Variants in MCM8 observed in about 807,000 individuals in gnomAD.
MCM8 encodes the protein minichromosome maintenance 8 homologous recombination repair factor.
A neutral mutation model predicts 98.9 loss-of-function variants in MCM8; 85 were observed. That is an observed-to-expected ratio of 0.86 (90% confidence interval 0.72 to 1.03). MCM8 has a LOEUF of 1.03. Ranked by LOEUF, MCM8 falls within the 50% of genes least tolerant of loss-of-function variation. MCM8 has a pLI of 0.00. For missense variants in MCM8, 951 were observed against 997.8 expected (o/e 0.95, Z 0.63); for synonymous variants, 352 against 338.6 (o/e 1.04, Z -0.44).
chr20:5,978,351 CTTTGT>C (rs2089557905), intron 13 of MCM8, among the ~76,000 whole-genome samples: 1 of 152,116 alleles, frequency 6.6e-6, no homozygotes, highest in African/African-American at 2.4e-5. Context: ...TGTTTTGAAG[CTTTGT>C]AGTAAGCTCC....
At chr20:5,961,485 A>G (rs1194421341) in intron 7 of MCM8, among the ~76,000 whole-genome samples, 3 of 152,238 alleles carry the variant, frequency 2.0e-5, no homozygotes, top group African/African-American at 7.2e-5. Context: ...TCTTTCTCTG[A>G]CTGGAAGAAG....
chr20:5,952,353 A>G (rs761501284), intron 2 of MCM8, 71 bp from the exon 3 acceptor site: 26 of 1,577,974 alleles, frequency 1.6e-5, no homozygotes, highest in Non-Finnish European at 2.1e-5. Flanking sequence ...TGAGAGTCTC[A>G]TTTGGAAAGA....
rs1209023424 is a variant in MCM8, at chr20:5,952,500, T to C, written c.225T>C (p.Tyr75=). ...CAACATTGGATCGATTCATACCATATAAAGGCTGGAAGCTTTATTTCTCTG... is the reference window on the plus strand; with the variant it reads ...CAACATTGGATCGATTCATACCATACAAAGGCTGGAAGCTTTATTTCTCTG... ...MQSTLDRFIP[Y]KGWKLYFSEV... Residue 75 remains tyrosine (Y), a synonymous_variant, in exon 3 of 19, where the codon TAT becomes TAC. Transcript: ENST00000610722. The C allele has an allele frequency of 3.1e-6, 5 of 1,613,888 alleles. No individual in the cohort carries two copies. The highest frequency in any genetic ancestry group is 1.3e-5 in the African/African-American group (1 of 74,930).
At position 5,951,900 on chromosome 20, in the gene MCM8, G is replaced by T. The variant is rs16991581; in HGVS notation, c.-5-111G>T. 7,896 of 1,226,278 alleles carry T rather than the reference G, an allele frequency of 6.4e-3. 225 individuals are homozygous for T. The African/African-American group carries it at 0.078, about 12-fold the overall frequency. The allele number at this position is 1,226,278 out of a possible 1,614,324, so 76.0% of individuals were successfully genotyped here. A position where few individuals can be genotyped will look rare whatever the true frequency, so the allele number is the denominator to read the frequency against. ...GCTGTACAACTTTGCAAGCCTGTTTGCTACTCTTGAACCTAGAATACATTA... is the reference window on the plus strand; with the variant it reads ...GCTGTACAACTTTGCAAGCCTGTTTTCTACTCTTGAACCTAGAATACATTA... On this transcript the variant is annotated intron_variant, in intron 1 of 18. Coordinates refer to ENST00000610722, the MANE Select transcript of MCM8 (RefSeq NM_032485.6).
At chr20:5,962,352 C>CT (rs926577182) in intron 7 of MCM8, among the ~76,000 whole-genome samples, 4,781 of 40,298 alleles carry the variant, frequency 0.12, 1,356 homozygotes, top group East Asian at 0.17. Flanking sequence ...GCCTTCATTT[C>CT]TTTTTTTTTT....
At chr20:5,992,031 A>T (rs971699305) in intron 17 of MCM8, among the ~76,000 whole-genome samples, 1 of 152,196 alleles carries the variant, frequency 6.6e-6, no homozygotes, top group Non-Finnish European at 1.5e-5. Context: ...AAAAAACTAA[A>T]TGCTTATATT....
rs192085182 is a variant in MCM8 at position 5,994,930 on chromosome 20, G to A, written c.*539G>A. On this transcript the variant is annotated 3_prime_UTR_variant, in exon 19 of 19. Coordinates refer to ENST00000610722, the MANE Select transcript of MCM8 (RefSeq NM_032485.6). ...TTGACTCAAAAAAATAAAAAAAATT[G>A]TAGTGGTAGCCATGTGTTAATTGTT... 13 of 177,098 alleles carry A rather than the reference G, an allele frequency of 7.3e-5. No homozygotes were observed. The highest frequency in any genetic ancestry group is 6.9e-4 in the Admixed American group (12 of 17,276). The allele number at this position is 177,098 out of a possible 1,614,324, so 11.0% of individuals were successfully genotyped here.
In MCM8 at chr20:5,977,896, A is replaced by G; in HGVS notation, c.1416A>G (p.Pro472=). 6.2e-7 allele frequency: 1 copy of G among 1,614,172 alleles called. No homozygotes were observed. Among genetic ancestry groups the G allele is most frequent in the Non-Finnish European group, 8.5e-7 (1 of 1,180,022 alleles). ...QMLQAACNVA[P]RGVYVCGNTT... ...CTTAGGCAGCGTGCAATGTTGCCCCACGTGGCGTGTATGTTTGTGGTAACA... is the reference window on the plus strand; with the variant it reads ...CTTAGGCAGCGTGCAATGTTGCCCCGCGTGGCGTGTATGTTTGTGGTAACA... Residue 472 remains proline, a synonymous_variant, in exon 13 of 19, where the codon CCA becomes CCG. Coordinates refer to ENST00000610722, the MANE Select transcript of MCM8 (RefSeq NM_032485.6).
chr20:5,956,724 GGAGT>G lies in MCM8; in HGVS notation c.487-397_487-394del, dbSNP rs1307807679. On this transcript the variant is annotated intron_variant, in intron 5 of 18. Coordinates refer to ENST00000610722, the MANE Select transcript of MCM8 (RefSeq NM_032485.6). ...ATATTATTTAATGTTAAATGCCAAG[GGAGT>G]GAGTATTAGGTATTTTAAAGGTCAT... 3.9e-5 allele frequency among the ~76,000 whole-genome samples: 6 copies of G among 152,236 alleles called. No homozygotes were observed. The East Asian group carries it at 9.7e-4, about 24-fold the overall frequency.
At chr20:5,960,946 T>C (rs577427495) in intron 7 of MCM8, among the ~76,000 whole-genome samples, 9 of 149,300 alleles carry the variant, frequency 6.0e-5, no homozygotes, top group African/African-American at 2.2e-4. Flanking sequence ...AAAAAATACA[T>C]AAATAAATAA....
chr20:5,979,432 ACTT>A (rs1276944589), intron 13 of MCM8, among the ~76,000 whole-genome samples: 1 of 152,152 alleles, frequency 6.6e-6, no homozygotes, highest in Non-Finnish European at 1.5e-5. Context: ...TCAGGCACAT[ACTT>A]CTTATTGTCT....
At chr20:5,986,496 T>G (rs2122813584) in intron 16 of MCM8, among the ~76,000 whole-genome samples, 1 of 152,340 alleles carries the variant, frequency 6.6e-6, no homozygotes, top group Admixed American at 6.5e-5. Flanking sequence ...TTTTATTTTT[T>G]TACATGACAG....
At position 5,998,252 on chromosome 20, in the gene MCM8, A is replaced by G. The variant is rs2089982999; in HGVS notation, c.*3861A>G. The G allele has an allele frequency of 6.6e-6, 1 of 152,170 alleles. No individual in the cohort carries two copies. Among genetic ancestry groups the G allele is most frequent in the African/African-American group, 2.4e-5 (1 of 41,444 alleles). The allele number at this position is 152,170 out of a possible 1,614,324, so 9.4% of individuals were successfully genotyped here. A position where few individuals can be genotyped will look rare whatever the true frequency, so the allele number is the denominator to read the frequency against. On this transcript the variant is annotated 3_prime_UTR_variant, in exon 19 of 19. Transcript: ENST00000610722. ...TTCTGCTCTCCTAGTGTGCCTTCCTATAATGCAGGGGCTGGAAGGTGAGAA... is the reference window on the plus strand; with the variant it reads ...TTCTGCTCTCCTAGTGTGCCTTCCTGTAATGCAGGGGCTGGAAGGTGAGAA...
At chr20:5,977,470 G>A (rs2089535603) in intron 12 of MCM8, among the ~76,000 whole-genome samples, 1 of 152,242 alleles carries the variant, frequency 6.6e-6, no homozygotes, top group Admixed American at 6.5e-5. Context: ...AGGTGAGCAT[G>A]TATTAAGTCA....
rs2089925086 is a variant in MCM8 at position 5,994,633 on chromosome 20, C to T, written c.*242C>T. ...GTGATAAAGTCTCCAGATGCAGTAG[C>T]TCACACTGTAATCACAGTGACTCAG... On this transcript the variant is annotated 3_prime_UTR_variant, in exon 19 of 19. Transcript: ENST00000610722. 2.0e-6 allele frequency: 1 copy of T among 492,006 alleles called. No homozygotes were observed. The highest frequency in any genetic ancestry group is 4.1e-5 in the East Asian group (1 of 24,292). The allele number at this position is 492,006 out of a possible 1,614,324, so 30.5% of individuals were successfully genotyped here. A position where few individuals can be genotyped will look rare whatever the true frequency, so the allele number is the denominator to read the frequency against.
chr20:5,958,601 A>AG lies in MCM8; in HGVS notation c.665dup (p.Gly223ArgfsTer8). On this transcript the variant is annotated frameshift_variant, in exon 7 of 19. Coordinates refer to ENST00000610722, the MANE Select transcript of MCM8 (RefSeq NM_032485.6). LOFTEE classifies it high-confidence loss of function. ...TTACTATGGAAAATACATTGCTCTA[A>AG]GAGGGACAGTGGTTCGTGTCAGTAA... 1 of 1,614,192 alleles carries AG rather than the reference A, an allele frequency of 6.2e-7. No individual in the cohort carries two copies. The highest frequency in any genetic ancestry group is 8.5e-7 in the Non-Finnish European group (1 of 1,180,018).
intron 8 of MCM8, among the ~76,000 whole-genome samples, chr20:5,966,227 AGT>A (rs2089271913): frequency 6.6e-6 from 1 of 151,970 alleles, no homozygotes; most frequent in Non-Finnish European, 1.5e-5. Context: ...AAACAGTGAA[AGT>A]GTATCTAGTT....
At chr20:5,957,337 G>A (rs756391577) in intron 6 of MCM8, 108 bp downstream of exon 6, 29 of 685,598 alleles carry the variant, frequency 4.2e-5, no homozygotes, top group Non-Finnish European at 6.5e-5. Context: ...AAAAGGACAT[G>A]AGTTCCTTGC....
intron 17 of MCM8, 71 bp downstream of exon 17, chr20:5,987,429 C>A: frequency 7.9e-7 from 1 of 1,258,752 alleles, no homozygotes; most frequent in Non-Finnish European, 1.1e-6. Context: ...AGGTAATAGG[C>A]CAAGGCTACT....
Sources: gnomAD v4.1 joint callset for allele counts (sites outside exome capture counted in the v4.1 genomes callset) on GRCh38, gnomAD v4.1.1 for gene constraint, MANE v1.5 for transcripts, NCBI Gene and HGNC (gene_info 2026-07-23, HGNC 2026-07-21) for gene names.